FBRSL1: variants seen among roughly 807,000 people sequenced by gnomAD.
FBRSL1 encodes fibrosin like 1.
In FBRSL1, 51 loss-of-function variants were observed where a neutral mutation model predicts 89.6. The ratio of observed to expected loss-of-function variants is 0.57; its 90% CI spans 0.45 to 0.72. FBRSL1 has a LOEUF of 0.72. FBRSL1 is among the 30% of genes least tolerant of loss of function. FBRSL1 has a pLI of 0.00. For missense variants in FBRSL1, 1,618 were observed against 1,451.8 expected, an observed-to-expected ratio of 1.11 and a Z score of -1.86; for synonymous variants, 779 against 681.1, an observed-to-expected ratio of 1.14 and a Z score of -2.24.
intron 5 of FBRSL1, chr12:132,565,389 A>T (rs1186554520): frequency 1.3e-5 from 2 of 152,232 alleles, no homozygotes; most frequent in African/African-American, 4.8e-5. Flanking sequence ...CACACATGTG[A>T]TGCTCATGTA....
At chr12:132,560,970 A>G (rs528476371) in intron 5 of FBRSL1, among the ~76,000 whole-genome samples, 10 of 152,272 alleles carry the variant, frequency 6.6e-5, no homozygotes, top group East Asian at 3.9e-4. Flanking sequence ...TAGAAGGGAA[A>G]GAGCTGAGGG....
At position 132,490,463 on chromosome 12, in the gene FBRSL1, C is replaced by T; in HGVS notation, c.-108C>T. On this transcript the variant is annotated 5_prime_UTR_variant, in exon 1 of 19. Coordinates refer to ENST00000680143, the MANE Select transcript of FBRSL1 (RefSeq NM_001367871.1). ...CGCCGCCGCCCAGGGCCCGAGCCCG[C>T]GCGGCGCACACTCAGCCCGGCGGCG... 1.3e-6 allele frequency: 1 copy of T among 792,404 alleles called. No homozygotes were observed. Among genetic ancestry groups the T allele is most frequent in the Non-Finnish European group, 1.5e-6 (1 of 659,540 alleles). The allele number at this position is 792,404 out of a possible 1,614,324, so 49.1% of individuals were successfully genotyped here.
At chr12:132,507,486 C>T in intron 1 of FBRSL1, 1 of 931,258 alleles carries the variant, frequency 1.1e-6, no homozygotes, top group Non-Finnish European at 1.3e-6. Context: ...TGTCCTGGGG[C>T]TGTCCGCAGG....
At chr12:132,495,292 G>A (rs570067239) in intron 1 of FBRSL1, among the ~76,000 whole-genome samples, 1 of 152,366 alleles carries the variant, frequency 6.6e-6, no homozygotes, top group East Asian at 1.9e-4. Context: ...AGTGTGACCT[G>A]GCCATGTGGG....
At chr12:132,536,299 C>CG (rs1279776914) in intron 4 of FBRSL1, among the ~76,000 whole-genome samples, 1 of 142,294 alleles carries the variant, frequency 7.0e-6, no homozygotes, top group Non-Finnish European at 1.5e-5. Context: ...GTGTACATGA[C>CG]GGGGTGTGTG....
chr12:132,508,470 A>G (rs1332394971), intron 2 of FBRSL1, 120 bp downstream of exon 2: 2 of 1,180,900 alleles, frequency 1.7e-6, no homozygotes, highest in Non-Finnish European at 2.3e-6. Flanking sequence ...CAGCGCGCCC[A>G]TCGTTGTCAG....
In FBRSL1 at chr12:132,583,566, C is replaced by T. The variant is rs951140856; in HGVS notation, c.2797C>T (p.Leu933Phe). The stretch of plus-strand genomic sequence containing the variant: ...GCTGGGAGCCCTGCACTTCCCGCGC[C>T]TCTCGCCCGCCGCGCTGCACAATGG... The part of the protein sequence containing the change: ...PSLGALHFPR[L>F]SPAALHNGLL... Residue 933 changes from leucine to phenylalanine, a missense_variant, in exon 19 of 19, where the codon CTC becomes TTC. Physicochemically the swap from Leu to Phe is conservative, Grantham distance 22. Coordinates refer to ENST00000680143, the MANE Select transcript of FBRSL1 (RefSeq NM_001367871.1). 265 of 1,028,716 alleles carry T rather than the reference C, an allele frequency of 2.6e-4. 1 individual carries two copies. The African/African-American group carries it at 4.2e-3, about 16-fold the overall frequency. The allele number at this position is 1,028,716 out of a possible 1,614,324, so 63.7% of individuals were successfully genotyped here.
At chr12:132,529,180 G>C (rs866176526) in intron 4 of FBRSL1, among the ~76,000 whole-genome samples, 2 of 152,208 alleles carry the variant, frequency 1.3e-5, no homozygotes, top group South Asian at 2.1e-4. Context: ...CCAGGCCGTA[G>C]AGGCTCCCTC....
chr12:132,536,829 G>T (rs2036797947), intron 4 of FBRSL1, among the ~76,000 whole-genome samples: 1 of 152,178 alleles, frequency 6.6e-6, no homozygotes, highest in Admixed American at 6.5e-5. Context: ...ACGTATAACT[G>T]CATGTGCATG....
intron 2 of FBRSL1, among the ~76,000 whole-genome samples, chr12:132,518,094 A>G (rs923288313): frequency 6.6e-6 from 1 of 152,136 alleles, no homozygotes; most frequent in Non-Finnish European, 1.5e-5. Context: ...CTGCACAGGC[A>G]GGGCCTTGCA....
intron 1 of FBRSL1, among the ~76,000 whole-genome samples, chr12:132,501,965 T>C (rs577813861): frequency 6.6e-6 from 1 of 152,358 alleles, no homozygotes; most frequent in African/African-American, 2.4e-5. Flanking sequence ...TTCCTCTAAA[T>C]CTAAATCCAA....
intron 4 of FBRSL1, among the ~76,000 whole-genome samples, chr12:132,547,610 G>T (rs1271809040): frequency 2.0e-5 from 3 of 152,226 alleles, no homozygotes; most frequent in African/African-American, 7.2e-5. Flanking sequence ...GCTGTCCTGG[G>T]CCGGAGGCTG....
intron 2 of FBRSL1, among the ~76,000 whole-genome samples, chr12:132,512,301 T>G (rs2034434933): frequency 6.6e-6 from 1 of 152,104 alleles, no homozygotes; most frequent in East Asian, 1.9e-4. Context: ...CAGCTCAGAG[T>G]CCTCTGCATG....
chr12:132,564,333 A>G lies in FBRSL1; in HGVS notation c.646-3148A>G, dbSNP rs148511747. On this transcript the variant is annotated intron_variant, in intron 5 of 18. Coordinates refer to ENST00000680143, the MANE Select transcript of FBRSL1 (RefSeq NM_001367871.1). ...GAAGCAGCTCCCACAGTGAGGACCT[A>G]GTAATCCACGTGTTCCAGATCCCTG... 2.7e-3 allele frequency among the ~76,000 whole-genome samples: 405 copies of G among 152,010 alleles called. 4 individuals are homozygous for G. Among genetic ancestry groups the G allele is most frequent in the African/African-American group, 9.2e-3 (380 of 41,394 alleles).
chr12:132,579,678 T>C (rs527562660), intron 15 of FBRSL1, among the ~76,000 whole-genome samples: 63 of 152,366 alleles, frequency 4.1e-4, no homozygotes, highest in Admixed American at 9.8e-4. Context: ...ATGAGTTTCC[T>C]GAGTAAGCCT....
intron 2 of FBRSL1, among the ~76,000 whole-genome samples, chr12:132,521,037 C>T (rs572363606): frequency 8.9e-4 from 136 of 152,342 alleles, no homozygotes; most frequent in Non-Finnish European, 1.5e-3. Context: ...GGGAGCTGGA[C>T]ACCCACTGCA....
At chr12:132,571,878 G>A (rs1380751531) in intron 9 of FBRSL1, 6 of 327,144 alleles carry the variant, frequency 1.8e-5, no homozygotes, top group Non-Finnish European at 2.2e-5. Flanking sequence ...TCCCCGCCCC[G>A]GAGGCCCGGT....
intron 14 of FBRSL1, among the ~76,000 whole-genome samples, chr12:132,575,952 G>A (rs1281091558): frequency 3.9e-5 from 6 of 152,226 alleles, no homozygotes; most frequent in African/African-American, 1.4e-4. Flanking sequence ...CTGGCTCTGG[G>A]CCCCTCTGCT....
At chr12:132,501,047 A>G (rs2032885128) in intron 1 of FBRSL1, among the ~76,000 whole-genome samples, 1 of 152,158 alleles carries the variant, frequency 6.6e-6, no homozygotes, top group Non-Finnish European at 1.5e-5. Flanking sequence ...GAAGGAGCCC[A>G]AGGGGCCTGC....
Sources: gnomAD v4.1 joint callset for allele counts (sites outside exome capture counted in the v4.1 genomes callset) on GRCh38, gnomAD v4.1.1 for gene constraint, MANE v1.5 for transcripts, NCBI Gene and HGNC (gene_info 2026-07-23, HGNC 2026-07-21) for gene names.